The following MTA3 variants were observed in gnomAD, a reference collection of about 807,000 sequenced individuals.
MTA3 encodes metastasis-associated protein MTA3.
A neutral mutation model predicts 83.5 loss-of-function variants in MTA3; 34 were observed. The ratio of observed to expected loss-of-function variants is 0.41; its 90% CI spans 0.31 to 0.54. The LOEUF is 0.54. Ranked by LOEUF, MTA3 falls within the 20% of genes least tolerant of loss-of-function variation. MTA3 has a pLI of 0.33. For missense variants in MTA3, 761 were observed against 726.4 expected, an observed-to-expected ratio of 1.05 and a Z score of -0.55; for synonymous variants, 303 against 252.7, an observed-to-expected ratio of 1.20 and a Z score of -1.89.
At chr2:42,623,962 C>T (rs751026564) in intron 4 of MTA3, among the ~76,000 whole-genome samples, 4 of 152,132 alleles carry the variant, frequency 2.6e-5, no homozygotes, top group African/African-American at 4.8e-5. Flanking sequence ...GATCCACCCA[C>T]CTCGGCCTCC....
At chr2:42,564,040 G>A (rs982980202), upstream of MTA3, among the ~76,000 whole-genome samples, 6 of 150,146 alleles carry the variant, frequency 4.0e-5, no homozygotes, top group African/African-American at 1.2e-4. Flanking sequence ...GGCCAGGCTG[G>A]TCTTGAACTC....
At chr2:42,591,983 G>T (rs1681060127) in intron 3 of MTA3, among the ~76,000 whole-genome samples, 1 of 151,088 alleles carries the variant, frequency 6.6e-6, no homozygotes, top group Admixed American at 6.6e-5. Flanking sequence ...AATTCATTTG[G>T]CCAGGTGTAG....
intron 3 of MTA3, among the ~76,000 whole-genome samples, chr2:42,579,955 G>T (rs1679436418): frequency 6.6e-6 from 1 of 151,690 alleles, no homozygotes; most frequent in East Asian, 1.9e-4. Flanking sequence ...AGTTTTTTTG[G>T]TGAGGGGACT....
chr2:42,741,950 A>G (rs1169352548), intron 16 of MTA3, among the ~76,000 whole-genome samples: 2 of 152,220 alleles, frequency 1.3e-5, no homozygotes, highest in Non-Finnish European at 2.9e-5. Flanking sequence ...CAAAGCTTCA[A>G]TTTTTAAAAA....
intron 2 of MTA3, among the ~76,000 whole-genome samples, chr2:42,522,484 C>A (rs1675473617): frequency 6.6e-6 from 1 of 152,114 alleles, no homozygotes; most frequent in South Asian, 2.1e-4. Flanking sequence ...TTGGGGGACA[C>A]ACGCTTCTGG....
At chr2:42,648,362 G>A (rs1405894102) in intron 6 of MTA3, among the ~76,000 whole-genome samples, 1 of 152,296 alleles carries the variant, frequency 6.6e-6, no homozygotes, top group Non-Finnish European at 1.5e-5. Context: ...AACCCTTTTA[G>A]TACTCCTGAG....
chr2:42,734,769 C>T (rs1417488999), intron 16 of MTA3, among the ~76,000 whole-genome samples: 1 of 151,912 alleles, frequency 6.6e-6, no homozygotes, highest in Non-Finnish European at 1.5e-5. Context: ...ATCTTATAAC[C>T]TGTTATTTTA....
At chr2:42,517,120 T>C (rs572561789) in intron 2 of MTA3, among the ~76,000 whole-genome samples, 42 of 150,148 alleles carry the variant, frequency 2.8e-4, no homozygotes, top group African/African-American at 8.3e-4. Flanking sequence ...ATAAACCGGG[T>C]GTGGTGGTGC....
rs1350312738 is a variant in MTA3, at chr2:42,541,112, AC to A, written c.-140-29323del. 5.3e-5 allele frequency among the ~76,000 whole-genome samples: 8 copies of A among 150,454 alleles called. No individual in the cohort carries two copies. The East Asian group carries it at 1.4e-3, about 26-fold the overall frequency. Reference sequence around the variant, plus strand: ...AGTGGTGCAATCTCAGCTCACCGCAACCTCCGCCTCCCAGGTTCAAGTGATT... The same window carrying A: ...AGTGGTGCAATCTCAGCTCACCGCAACTCCGCCTCCCAGGTTCAAGTGATT... On this transcript the variant is annotated intron_variant, in intron 2 of 17. Coordinates refer to the MTA3 transcript ENST00000405592.
intron 4 of MTA3, among the ~76,000 whole-genome samples, chr2:42,617,122 T>C (rs368272721): frequency 2.6e-5 from 4 of 152,320 alleles, no homozygotes; most frequent in African/African-American, 9.6e-5. Flanking sequence ...TAGGAAAGGT[T>C]CTAGCCTATA....
rs549914169 is a variant in MTA3, at chr2:42,600,427, T to C, written c.191-9031T>C. On this transcript the variant is annotated intron_variant, in intron 3 of 16. Coordinates refer to ENST00000405094, the MANE Select transcript of MTA3 (RefSeq NM_001330442.2). ...GGTAGACTATTAATTTTCTGACTTT[T>C]GGTTTCCAAACTGGTTAAAGGTTTG... 5.3e-5 allele frequency among the ~76,000 whole-genome samples: 8 copies of C among 152,292 alleles called. No homozygotes were observed. In the East Asian group the frequency reaches 1.5e-3, roughly 29 times the overall value.
rs12712847 is a variant in MTA3 at position 42,526,860 on chromosome 2, T to G, written c.-141+31606T>G. Among the ~76,000 whole-genome samples, 21 of 151,374 alleles carry G rather than the reference T, an allele frequency of 1.4e-4. 1 individual carries two copies. Among genetic ancestry groups the G allele is most frequent in the Non-Finnish European group, 3.1e-4 (21 of 67,866 alleles). On this transcript the variant is annotated intron_variant, in intron 2 of 17. Transcript: ENST00000405592. The stretch of plus-strand genomic sequence containing the variant: ...CATGAGGTCAAGAGATCGAGACCAT[T>G]CTGACCAACATGGTGAAACCCCGTC...
intron 16 of MTA3, among the ~76,000 whole-genome samples, chr2:42,730,283 T>C (rs1188520006): frequency 1.3e-5 from 2 of 152,206 alleles, no homozygotes; most frequent in Non-Finnish European, 2.9e-5. Flanking sequence ...TGGGCATCCT[T>C]GTCTTGTTTT....
chr2:42,516,410 C>G (rs1675148051), intron 2 of MTA3, among the ~76,000 whole-genome samples: 1 of 152,126 alleles, frequency 6.6e-6, no homozygotes, highest in Admixed American at 6.6e-5. Flanking sequence ...CTTTATGAAA[C>G]TCAAAGCTTT....
intron 2 of MTA3, among the ~76,000 whole-genome samples, chr2:42,525,125 C>G (rs1187113243): frequency 7.0e-6 from 1 of 143,702 alleles, no homozygotes; most frequent in African/African-American, 2.5e-5. Flanking sequence ...ACCTGTGGGT[C>G]TCTTGAGAGT....
intron 4 of MTA3, among the ~76,000 whole-genome samples, chr2:42,619,944 G>T (rs531168322): frequency 6.6e-6 from 1 of 152,270 alleles, no homozygotes; most frequent in Admixed American, 6.5e-5. Flanking sequence ...TTCTACTTAA[G>T]AATGTTCTTG....
At chr2:42,650,587 C>G (rs1200517340) in intron 6 of MTA3, among the ~76,000 whole-genome samples, 1 of 151,940 alleles carries the variant, frequency 6.6e-6, no homozygotes, top group Non-Finnish European at 1.5e-5. Flanking sequence ...CTACAGGTGC[C>G]CACCACCAAG....
intron 16 of MTA3, among the ~76,000 whole-genome samples, chr2:42,746,361 TC>T (rs547129751): frequency 5.1e-3 from 771 of 152,340 alleles, no homozygotes; most frequent in South Asian, 9.1e-3. Context: ...TGCTTATTTT[TC>T]TGTTCTCTCA....
At chr2:42,622,629 C>A (rs1367069075) in intron 4 of MTA3, among the ~76,000 whole-genome samples, 1 of 151,628 alleles carries the variant, frequency 6.6e-6, no homozygotes, top group African/African-American at 2.4e-5. Flanking sequence ...TAGGTATAAA[C>A]GTAAAGGAAT....
Sources: allele counts gnomAD v4.1 joint callset (sites outside exome capture counted in the v4.1 genomes callset), GRCh38; gene constraint gnomAD v4.1.1; transcripts MANE v1.5; gene names NCBI Gene and HGNC (gene_info 2026-07-23, HGNC 2026-07-21).